The following FGGY variants were observed in gnomAD, a reference collection of about 807,000 sequenced individuals.
FGGY encodes the protein FGGY carbohydrate kinase domain-containing protein.
A neutral mutation model predicts 71.3 loss-of-function variants in FGGY; 72 were observed. The observed-to-expected ratio is 1.01, with a 90% CI of 0.84 to 1.23. The LOEUF (loss-of-function observed/expected upper bound fraction) is 1.23, where lower values mean the gene tolerates loss of function less well. Among genes scored for constraint, FGGY ranks in the 50% most tolerant of loss-of-function variants. The probability of loss-of-function intolerance (pLI) is 0.00; values close to 1 mark genes in which losing one functional copy is unlikely to be tolerated. For missense variants in FGGY, 668 were observed against 682.3 expected, an observed-to-expected ratio of 0.98 and a Z score of 0.23; for synonymous variants, 251 against 250.3, an observed-to-expected ratio of 1.00 and a Z score of -0.02.
chr1:59,373,632 C>A (rs2058109882), intron 4 of FGGY, among the ~76,000 whole-genome samples: 1 of 152,142 alleles, frequency 6.6e-6, no homozygotes, highest in African/African-American at 2.4e-5. Flanking sequence ...AAGCTGGAGG[C>A]ATCACGCTAC....
At chr1:59,597,052 G>C (rs983920117) in intron 8 of FGGY, among the ~76,000 whole-genome samples, 6 of 152,132 alleles carry the variant, frequency 3.9e-5, no homozygotes, top group Admixed American at 3.9e-4. Context: ...AGCTACCCAG[G>C]TGTCTATGGA....
At chr1:59,546,131 T>C (rs771589382) in intron 7 of FGGY, among the ~76,000 whole-genome samples, 7 of 152,194 alleles carry the variant, frequency 4.6e-5, no homozygotes, top group Non-Finnish European at 8.8e-5. Flanking sequence ...ACATCAAAAA[T>C]GGTGAAAATA....
intron 3 of FGGY, among the ~76,000 whole-genome samples, chr1:59,344,188 A>G (rs2051290286): frequency 6.6e-6 from 1 of 152,120 alleles, no homozygotes; most frequent in Non-Finnish European, 1.5e-5. Flanking sequence ...AAGTATTAGT[A>G]TAATGGTTTG....
chr1:59,762,017 C>G (rs534935850), intron 15 of FGGY, among the ~76,000 whole-genome samples: 1 of 152,062 alleles, frequency 6.6e-6, no homozygotes, highest in South Asian at 2.1e-4. Flanking sequence ...TGAATTCCAG[C>G]TCTGCCAGTT....
chr1:59,509,540 TCCTTCAACACCCA>T (rs1337441529), intron 6 of FGGY, among the ~76,000 whole-genome samples: 1 of 152,160 alleles, frequency 6.6e-6, no homozygotes, highest in Admixed American at 6.5e-5. Context: ...GCTTCCTCTG[TCCTTCAACACCCA>T]CCCCCTACCA....
At chr1:59,476,918 C>T (rs1414455306) in intron 6 of FGGY, among the ~76,000 whole-genome samples, 1 of 152,220 alleles carries the variant, frequency 6.6e-6, no homozygotes, top group Admixed American at 6.5e-5. Context: ...CTCGGCTCCT[C>T]TGAAATTCTA....
chr1:59,546,950 CTTTT>C (rs761977942), intron 7 of FGGY, among the ~76,000 whole-genome samples: 1 of 115,202 alleles, frequency 8.7e-6, no homozygotes, highest in African/African-American at 3.4e-5. Flanking sequence ...ACCTTTTTGA[CTTTT>C]TTTTTTTTTT....
chr1:59,422,167 C>G (rs1364840659), intron 5 of FGGY, among the ~76,000 whole-genome samples: 1 of 152,182 alleles, frequency 6.6e-6, no homozygotes, highest in Non-Finnish European at 1.5e-5. Flanking sequence ...GGATAACCCT[C>G]TGGGAATTCT....
intron 5 of FGGY, among the ~76,000 whole-genome samples, chr1:59,399,893 T>G (rs2061740409): frequency 6.6e-6 from 1 of 152,212 alleles, no homozygotes. Flanking sequence ...ATGCTCAATC[T>G]GGGTGCTTTG....
chr1:59,332,425 C>A (rs955781667), intron 2 of FGGY, among the ~76,000 whole-genome samples: 1 of 152,064 alleles, frequency 6.6e-6, no homozygotes, highest in Non-Finnish European at 1.5e-5. Context: ...GCCCCAGAGG[C>A]CTTCTGGGTA....
intron 12 of FGGY, among the ~76,000 whole-genome samples, chr1:59,661,846 A>T (rs2097277301): frequency 6.6e-6 from 1 of 151,374 alleles, no homozygotes; most frequent in Non-Finnish European, 1.5e-5. Context: ...CAGCCTCCCG[A>T]GTAGCTTGGA....
intron 2 of FGGY, among the ~76,000 whole-genome samples, chr1:59,325,833 A>G (rs915594210): frequency 1.3e-5 from 2 of 152,216 alleles, no homozygotes; most frequent in South Asian, 2.1e-4. Context: ...AGTATTGGAG[A>G]CAAGACCAGA....
chr1:59,578,000 TGCAGA>T (rs984920210), intron 8 of FGGY, among the ~76,000 whole-genome samples: 9 of 152,130 alleles, frequency 5.9e-5, no homozygotes, highest in African/African-American at 2.2e-4. Context: ...AGACCACCTA[TGCAGA>T]GCTTGCTAAA....
chr1:59,323,254 A>C (rs1334558997), intron 2 of FGGY, among the ~76,000 whole-genome samples: 3 of 152,220 alleles, frequency 2.0e-5, no homozygotes, highest in African/African-American at 7.2e-5. Flanking sequence ...AAGCTACTTT[A>C]AAAAAGGTCT....
chr1:59,630,835 T>C (rs1272511690), intron 10 of FGGY, among the ~76,000 whole-genome samples: 1 of 152,138 alleles, frequency 6.6e-6, no homozygotes, highest in Non-Finnish European at 1.5e-5. Flanking sequence ...ATCCCACCTC[T>C]TTTCACATAA....
intron 11 of FGGY, among the ~76,000 whole-genome samples, chr1:59,653,616 C>A (rs2097189754): frequency 1.3e-5 from 2 of 152,250 alleles, no homozygotes; most frequent in South Asian, 4.1e-4. Flanking sequence ...TCGGCTTGCG[C>A]ATGGTGCTTG....
At chr1:59,302,029 G>C (rs976262202) in intron 1 of FGGY, among the ~76,000 whole-genome samples, 29 of 151,330 alleles carry the variant, frequency 1.9e-4, no homozygotes, top group Non-Finnish European at 3.4e-4. Flanking sequence ...GAGCCACTGC[G>C]CCCAGCTGAT....
chr1:59,562,550 T>G (rs2095808560), intron 8 of FGGY, among the ~76,000 whole-genome samples: 1 of 152,188 alleles, frequency 6.6e-6, no homozygotes, highest in Non-Finnish European at 1.5e-5. Flanking sequence ...CTGCCCAGCT[T>G]TTATAGAAAT....
chr1:59,538,227 A>AAGC (rs2095368945), intron 7 of FGGY, among the ~76,000 whole-genome samples: 1 of 152,204 alleles, frequency 6.6e-6, no homozygotes, highest in Non-Finnish European at 1.5e-5. Flanking sequence ...TATGCAGCCA[A>AAGC]AACACACATG....
Sources: allele counts gnomAD v4.1 joint callset (sites outside exome capture counted in the v4.1 genomes callset), GRCh38; gene constraint gnomAD v4.1.1; transcripts MANE v1.5; gene names NCBI Gene and HGNC (gene_info 2026-07-23, HGNC 2026-07-21).